FGD1: variants seen among roughly 807,000 people sequenced by gnomAD.
The protein encoded by FGD1 is FYVE, RhoGEF and PH domain-containing protein 1.
A neutral mutation model predicts 65.0 loss-of-function variants in FGD1; 12 were observed. The ratio of observed to expected loss-of-function variants is 0.18; its 90% CI spans 0.12 to 0.30. The LOEUF is 0.30. Ranked by LOEUF, FGD1 falls within the 10% of genes least tolerant of loss-of-function variation. The pLI, the probability that FGD1 is intolerant of heterozygous loss-of-function variation, is 1.00. For missense variants in FGD1, 542 were observed against 837.6 expected, an observed-to-expected ratio of 0.65 and a Z score of 4.36; for synonymous variants, 333 against 343.9, an observed-to-expected ratio of 0.97 and a Z score of 0.35.
intron 8 of FGD1, among the ~76,000 whole-genome samples, chrX:54,464,979 C>T (rs1051391799): frequency 1.8e-5 from 2 of 108,876 alleles, no homozygotes; most frequent in African/African-American, 6.7e-5. Flanking sequence ...TCTGGCCTCT[C>T]AGCTTGGTGG....
rs377155391 is a variant in FGD1, at chrX:54,470,024, A to G, written c.1093T>C (p.Ser365Pro). The G allele has an allele frequency of 8.3e-7, 1 of 1,207,109 alleles. No individual in the cohort carries two copies. Among genetic ancestry groups the G allele is most frequent in the Non-Finnish European group, 1.1e-6 (1 of 893,375 alleles). ...IPVPLMERQE[S>P]VELTVQQKVF... ...TGAACACAGGTCAGTACCTCCACAG[A>G]CTCCTGTCTCTCCATCAGGGGCACT... is the stretch of plus-strand genomic sequence containing the variant. Residue 365 changes from serine (S) to proline (P), a missense_variant, in exon 4 of 18, where the codon TCT (serine) becomes CCT (proline). Physicochemically the swap from Ser to Pro is moderately conservative, Grantham distance 74. Transcript: ENST00000375135.
At chrX:54,446,548 G>A (rs1013859635) in intron 17 of FGD1, 134 bp from the exon 18 acceptor site, 8 of 562,463 alleles carry the variant, frequency 1.4e-5, no homozygotes, top group Non-Finnish European at 2.2e-5. Context: ...AACCTTCCGT[G>A]GCTCCAGTGT....
rs1220365722 is a variant in FGD1 at position 54,465,653 on chromosome X, A to G, written c.1497+43T>C. ...CAGATGCCCCACCACATCCCTGCAG[A>G]CCTCTCCTCCCCAAGTCTGCTCCTT... On this transcript the variant is annotated intron_variant, in intron 7 of 17. Coordinates refer to ENST00000375135, the MANE Select transcript of FGD1 (RefSeq NM_004463.3). 4.1e-6 allele frequency: 5 copies of G among 1,208,112 alleles called. No homozygotes were observed. In the African/African-American group the frequency reaches 5.3e-5, roughly 13 times the overall value.
Position 54,467,950 on chromosome X carries a change from A to C in FGD1, c.1192-18T>G, listed in dbSNP as rs1345996553. The C allele has an allele frequency of 1.0e-5, 12 of 1,169,874 alleles. No individual in the cohort carries two copies. Among genetic ancestry groups the C allele is most frequent in the Non-Finnish European group, 1.4e-5 (12 of 873,765 alleles). On this transcript the variant is annotated intron_variant, in intron 5 of 17. Transcript: ENST00000375135. ...CAGAACACCTGTGGGGCAGGGCAGAAGCACTCAGCCCAGCTGGGCCTGGGG... is the reference window on the plus strand; with the variant it reads ...CAGAACACCTGTGGGGCAGGGCAGACGCACTCAGCCCAGCTGGGCCTGGGG...
chrX:54,457,453 A>G (rs1266200795), intron 8 of FGD1, among the ~76,000 whole-genome samples: 1 of 111,516 alleles, frequency 9.0e-6, no homozygotes, highest in Non-Finnish European at 1.9e-5. Flanking sequence ...TCTGTAGGGG[A>G]GCACACCTTC....
intron 1 of FGD1, among the ~76,000 whole-genome samples, chrX:54,478,763 C>T (rs1025172398): frequency 9.8e-6 from 1 of 102,116 alleles, no homozygotes; most frequent in Non-Finnish European, 2.0e-5. Context: ...CCAACAGAAT[C>T]ACACATCCAC....
chrX:54,470,834 C>A (rs767599662), intron 2 of FGD1, 74 bp from the exon 3 acceptor site: 2 of 518,986 alleles, frequency 3.9e-6, no homozygotes, highest in Non-Finnish European at 6.4e-6. Flanking sequence ...CATGGTGAAA[C>A]CCCATCTCTA....
In FGD1 at chrX:54,470,295, G is replaced by A. The variant is rs762455009; in HGVS notation, c.822C>T (p.Asp274=). ...CLFLLAPGPR[D]GEKVPNRDSG... ...TGTCCCGGTTGGGCACCTTCTCACC[G>A]TCCCGGGGCCCAGGAGCCAGCAGAA... is the stretch of plus-strand genomic sequence containing the variant. Residue 274 remains aspartate, a synonymous_variant, in exon 4 of 18, where the codon GAC becomes GAT. Coordinates refer to ENST00000375135, the MANE Select transcript of FGD1 (RefSeq NM_004463.3). 5.8e-6 allele frequency: 7 copies of A among 1,206,223 alleles called. No homozygotes were observed. Among genetic ancestry groups the A allele is most frequent in the Admixed American group, 2.2e-5 (1 of 45,384 alleles).
chrX:54,452,410 G>A (rs1401755076), intron 12 of FGD1, among the ~76,000 whole-genome samples: 5 of 109,831 alleles, frequency 4.6e-5, no homozygotes, highest in Non-Finnish European at 9.5e-5. Context: ...GTCAGTAGTT[G>A]TTGACTCTTA....
Position 54,446,008 on chromosome X carries a change from G to A in FGD1, c.*101C>T. 2 of 618,880 alleles carry A rather than the reference G, an allele frequency of 3.2e-6. No homozygotes were observed. The highest frequency in any genetic ancestry group is 5.1e-4 in the Middle Eastern group (1 of 1,952). The allele number at this position is 618,880 out of a possible 1,213,427, so 51.0% of individuals were successfully genotyped here. A position where few individuals can be genotyped will look rare whatever the true frequency, so the allele number is the denominator to read the frequency against. On this transcript the variant is annotated 3_prime_UTR_variant, in exon 18 of 18. Coordinates refer to ENST00000375135, the MANE Select transcript of FGD1 (RefSeq NM_004463.3). ...GGGATTGAAAGTGCCCGTGATGGGA[G>A]TTCAAGTATTGACTGAGCTGGGAGG...
Position 54,471,277 on chromosome X carries a change from CT to C in FGD1, c.481+36del, listed in dbSNP as rs748752912. The C allele has an allele frequency of 5.0e-6, 6 of 1,202,566 alleles. No homozygotes were observed. In the South Asian group the frequency reaches 1.1e-4, roughly 21 times the overall value. ...CTTCTCCCCTCCTCTGTACCCTCCC[CT>C]GGGCCACTTCTCTGCTCTTTTCCAG... On this transcript the variant is annotated intron_variant, in intron 2 of 17. Coordinates refer to ENST00000375135, the MANE Select transcript of FGD1 (RefSeq NM_004463.3).
intron 14 of FGD1, 82 bp downstream of exon 14, chrX:54,449,577 A>T: frequency 1.5e-6 from 1 of 662,633 alleles, no homozygotes; most frequent in East Asian, 3.2e-5. Context: ...TAGGAAAGGG[A>T]GAGGATCATC....
At chrX:54,476,521 T>C (rs1018945884) in intron 1 of FGD1, among the ~76,000 whole-genome samples, 15 of 109,027 alleles carry the variant, frequency 1.4e-4, no homozygotes, top group African/African-American at 4.7e-4. Context: ...CTGGCTATTT[T>C]TAATTTTTTT....
intron 1 of FGD1, among the ~76,000 whole-genome samples, chrX:54,486,398 G>A (rs778148009): frequency 1.8e-5 from 2 of 111,581 alleles, no homozygotes; most frequent in East Asian, 5.8e-4. Context: ...ACAGGCATGC[G>A]CCACCACGCC....
chrX:54,450,644 C>A (rs1922354135), intron 12 of FGD1, among the ~76,000 whole-genome samples: 1 of 111,040 alleles, frequency 9.0e-6, no homozygotes. Context: ...GTGACATGCC[C>A]CAGTCTGAAG....
intron 1 of FGD1, among the ~76,000 whole-genome samples, chrX:54,491,523 G>A (rs541776175): frequency 8.9e-5 from 10 of 111,896 alleles, no homozygotes; most frequent in African/African-American, 3.2e-4. Context: ...TGGGGAGGCC[G>A]ATGTATTCTC....
At chrX:54,493,032 AG>A (rs1923450096) in intron 1 of FGD1, among the ~76,000 whole-genome samples, 1 of 110,634 alleles carries the variant, frequency 9.0e-6, no homozygotes, top group Non-Finnish European at 1.9e-5. Context: ...TGGTTTAGGA[AG>A]GGTATTATGA....
intron 12 of FGD1, among the ~76,000 whole-genome samples, chrX:54,455,047 A>G (rs1054112681): frequency 8.9e-6 from 1 of 112,502 alleles, no homozygotes; most frequent in African/African-American, 3.2e-5. Flanking sequence ...TCTGTCATGG[A>G]CCAAGTACTG....
chrX:54,463,109 G>A (rs931486486), intron 8 of FGD1, among the ~76,000 whole-genome samples: 2 of 111,253 alleles, frequency 1.8e-5, no homozygotes, highest in Non-Finnish European at 3.8e-5. Context: ...ACATCCCTGA[G>A]CTTTGTCCTT....
Sources: allele counts gnomAD v4.1 joint callset (sites outside exome capture counted in the v4.1 genomes callset), GRCh38; gene constraint gnomAD v4.1.1; transcripts MANE v1.5; gene names NCBI Gene and HGNC (gene_info 2026-07-23, HGNC 2026-07-21).